ARPP21: variants seen among roughly 807,000 people sequenced by gnomAD.
ARPP21 encodes the protein cAMP regulated phosphoprotein 21, also known as cAMP-regulated phosphoprotein 21.
Under a neutral mutation model 113.2 loss-of-function variants are expected in ARPP21, and 69 were observed. The ratio of observed to expected loss-of-function variants is 0.61; its 90% CI spans 0.50 to 0.74. The LOEUF is 0.74. Ranked by LOEUF, ARPP21 falls within the 30% of genes least tolerant of loss-of-function variation. ARPP21 has a pLI of 0.00. For missense variants in ARPP21, 1,070 were observed against 1,037.4 expected, an observed-to-expected ratio of 1.03 and a Z score of -0.43; for synonymous variants, 368 against 375.5, an observed-to-expected ratio of 0.98 and a Z score of 0.23.
intron 1 of ARPP21, 62 bp from the exon 2 acceptor site, chr3:35,679,725 T>C (rs2078391374): frequency 6.6e-6 from 1 of 152,098 alleles, no homozygotes; most frequent in Non-Finnish European, 1.5e-5. Context: ...TCTTATTTAT[T>C]TCATCCTTCA....
intron 9 of ARPP21, among the ~76,000 whole-genome samples, chr3:35,705,530 C>T (rs2088537011): frequency 6.6e-6 from 1 of 152,008 alleles, no homozygotes; most frequent in Non-Finnish European, 1.5e-5. Context: ...GAATTTTGTT[C>T]TTTATCTTGA....
intron 1 of ARPP21, among the ~76,000 whole-genome samples, chr3:35,660,945 G>T (rs139640488): frequency 9.2e-5 from 14 of 152,196 alleles, no homozygotes; most frequent in East Asian, 3.9e-4. Context: ...ATATGTAGTT[G>T]GAAAGCTAAA....
Position 35,793,873 on chromosome 3 carries a change from C to T in ARPP21, c.2459C>T (p.Pro820Leu), listed in dbSNP as rs1209555980. 1.9e-6 allele frequency: 3 copies of T among 1,614,024 alleles called. No individual in the cohort carries two copies. In the African/African-American group the frequency reaches 4.0e-5, roughly 22 times the overall value. The change falls in exon 21 of 21, where the codon CCC (proline) becomes CTC (leucine). Residue 820 changes from proline (P) to leucine (L), a missense_variant. Pro to Leu is a moderately conservative substitution (Grantham distance 98). Coordinates refer to ENST00000684406, the MANE Select transcript of ARPP21 (RefSeq NM_001385562.1). Reference sequence around the variant, plus strand: ...CTTAGGCTGATTGGCCCACACTGCCCCTCCAGCACTGTCCCAGTGATGTCA... The same window carrying T: ...CTTAGGCTGATTGGCCCACACTGCCTCTCCAGCACTGTCCCAGTGATGTCA... ...NNLRLIGPHC[P>L]SSTVPVMSAS...
intron 2 of ARPP21, chr3:35,681,459 T>C: frequency 3.6e-6 from 1 of 277,584 alleles, no homozygotes; most frequent in East Asian, 6.4e-5. Flanking sequence ...GAGTTATGTG[T>C]CTCTAAGATT....
chr3:35,745,248 T>C (rs1422821208), intron 19 of ARPP21, among the ~76,000 whole-genome samples: 9 of 152,352 alleles, frequency 5.9e-5, no homozygotes, highest in African/African-American at 1.9e-4. Flanking sequence ...AAAACGTTAT[T>C]ACCTTTATCA....
chr3:35,687,723 A>G lies in ARPP21; in HGVS notation c.262-16A>G. Reference sequence around the variant, plus strand: ...ATTAAACCTGGCCCTAAATTATTATATTTTTTCCCCAACAGGAATCAATTC... The same window carrying G: ...ATTAAACCTGGCCCTAAATTATTATGTTTTTTCCCCAACAGGAATCAATTC... On this transcript the variant is annotated splice_polypyrimidine_tract_variant and intron_variant, in intron 5 of 20. Coordinates refer to ENST00000684406, the MANE Select transcript of ARPP21 (RefSeq NM_001385562.1). The G allele has an allele frequency of 1.3e-6, 2 of 1,594,656 alleles. No homozygotes were observed. The highest frequency in any genetic ancestry group is 1.7e-6 in the Non-Finnish European group (2 of 1,172,748).
chr3:35,683,450 C>A (rs183126750), intron 4 of ARPP21, among the ~76,000 whole-genome samples: 365 of 151,810 alleles, frequency 2.4e-3, no homozygotes, highest in African/African-American at 8.4e-3. Flanking sequence ...GACAGCAATT[C>A]ATTCTTCCTA....
intron 17 of ARPP21, 75 bp from the exon 18 acceptor site, chr3:35,739,242 G>A: frequency 6.5e-7 from 1 of 1,528,980 alleles, no homozygotes; most frequent in Non-Finnish European, 8.9e-7. Context: ...AATGTGTCCT[G>A]TGTCTGCCTC....
At chr3:35,661,868 A>G (rs1707995385) in intron 1 of ARPP21, among the ~76,000 whole-genome samples, 1 of 152,078 alleles carries the variant, frequency 6.6e-6, no homozygotes, top group Admixed American at 6.6e-5. Context: ...AATAAATGAG[A>G]TACTTTGTAA....
At chr3:35,672,610 C>T (rs1449392476) in intron 1 of ARPP21, among the ~76,000 whole-genome samples, 1 of 151,976 alleles carries the variant, frequency 6.6e-6, no homozygotes, top group African/African-American at 2.4e-5. Context: ...AGGCACTATT[C>T]TTAGTATTGG....
intron 19 of ARPP21, among the ~76,000 whole-genome samples, chr3:35,757,069 A>AGTT (rs2095597350): frequency 7.3e-6 from 1 of 137,016 alleles, no homozygotes; most frequent in Non-Finnish European, 1.6e-5. Flanking sequence ...CCTTTTAGTG[A>AGTT]TTTTTTTTTT....
In ARPP21 at chr3:35,736,853, C is replaced by T. The variant is rs1445227967; in HGVS notation, c.1460-325C>T. ...GGCTGTGAGGTGCAGTGCAGCAAAA[C>T]ATCTAGCTTTGTGAAGATTGCTTCT... On this transcript the variant is annotated intron_variant, in intron 15 of 20. Coordinates refer to ENST00000684406, the MANE Select transcript of ARPP21 (RefSeq NM_001385562.1). Among the ~76,000 whole-genome samples, 10 of 152,306 alleles carry T rather than the reference C, an allele frequency of 6.6e-5. No individual in the cohort carries two copies. In the East Asian group the frequency reaches 1.9e-3, roughly 29 times the overall value.
chr3:35,684,196 C>T (rs2079851689), intron 5 of ARPP21: 7 of 1,334,574 alleles, frequency 5.2e-6, no homozygotes, highest in African/African-American at 1.5e-5. Flanking sequence ...TACCTCTCAG[C>T]TCCCCAAAAT....
rs1452840861 is a variant in ARPP21, at chr3:35,706,957, T to A, written c.687-17T>A. On this transcript the variant is annotated splice_polypyrimidine_tract_variant and intron_variant, in intron 9 of 20. Transcript: ENST00000684406. The stretch of plus-strand genomic sequence containing the variant: ...GGGGAAAAACTTTTTTATTGATATG[T>A]TTTACTTTGCTGGCAGACCAGAGCA... 6.3e-7 allele frequency: 1 copy of A among 1,598,646 alleles called. No homozygotes were observed. Among genetic ancestry groups the A allele is most frequent in the African/African-American group, 1.3e-5 (1 of 74,106 alleles).
chr3:35,684,965 A>G, intron 5 of ARPP21: 1 of 983,766 alleles, frequency 1.0e-6, no homozygotes, highest in South Asian at 4.7e-5. Flanking sequence ...TTCTCTTTTT[A>G]ATGGAGATTG....
intron 19 of ARPP21, among the ~76,000 whole-genome samples, chr3:35,773,997 G>T (rs985256110): frequency 2.6e-5 from 4 of 152,104 alleles, no homozygotes; most frequent in African/African-American, 7.2e-5. Context: ...TCCCGCTTTT[G>T]CTGTAAGTCA....
Position 35,691,025 on chromosome 3 carries a change from T to A in ARPP21, c.686+20T>A. ...CAGAATGTAAGCCCCATCACTGTAC[T>A]TATTTAGCATTTTCTTTTTCTCCTA... On this transcript the variant is annotated intron_variant, in intron 9 of 20. Coordinates refer to ENST00000684406, the MANE Select transcript of ARPP21 (RefSeq NM_001385562.1). The A allele has an allele frequency of 6.3e-7, 1 of 1,589,322 alleles. No individual in the cohort carries two copies. The highest frequency in any genetic ancestry group is 1.1e-5 in the South Asian group (1 of 87,106).
intron 1 of ARPP21, among the ~76,000 whole-genome samples, chr3:35,665,075 A>G (rs1254181156): frequency 1.3e-5 from 2 of 152,230 alleles, no homozygotes; most frequent in African/African-American, 2.4e-5. Context: ...TCTTAAAGGA[A>G]TGATTTTAAA....
intron 1 of ARPP21, among the ~76,000 whole-genome samples, chr3:35,661,549 G>C (rs541612558): frequency 1.1e-4 from 17 of 152,244 alleles, no homozygotes; most frequent in African/African-American, 4.1e-4. Flanking sequence ...TCTCTGCATG[G>C]AGTATAGAAA....
Sources: gnomAD v4.1 joint callset for allele counts (sites outside exome capture counted in the v4.1 genomes callset) on GRCh38, gnomAD v4.1.1 for gene constraint, MANE v1.5 for transcripts, NCBI Gene and HGNC (gene_info 2026-07-23, HGNC 2026-07-21) for gene names.